The following PTCH1 variants were observed in gnomAD, a reference collection of about 807,000 sequenced individuals.
PTCH1 encodes patched 1, also known as protein patched homolog 1.
Under a neutral mutation model 144.6 loss-of-function variants are expected in PTCH1, and 14 were observed. The observed-to-expected ratio is 0.10, with a 90% CI of 0.06 to 0.15. The LOEUF is 0.15. PTCH1 is among the 10% of genes least tolerant of loss of function. The pLI, the probability that PTCH1 is intolerant of heterozygous loss-of-function variation, is 1.00. For missense variants in PTCH1, 1,623 were observed against 1,948.3 expected (o/e 0.83, Z 3.14); for synonymous variants, 833 against 793.6 (o/e 1.05, Z -0.83).
intron 2 of PTCH1, among the ~76,000 whole-genome samples, chr9:95,492,332 G>A (rs1842470119): frequency 6.6e-6 from 1 of 152,122 alleles, no homozygotes; most frequent in Non-Finnish European, 1.5e-5. Context: ...TTACTGGTAA[G>A]TACGTAGGTG....
intron 2 of PTCH1, among the ~76,000 whole-genome samples, chr9:95,487,010 C>T (rs1026100663): frequency 5.9e-5 from 9 of 152,170 alleles, no homozygotes; most frequent in South Asian, 2.1e-4. Context: ...AGCTTTCCCA[C>T]GAGGAGGAAT....
intron 17 of PTCH1, 45 bp downstream of exon 17, chr9:95,459,555 G>A: frequency 6.2e-7 from 1 of 1,607,860 alleles, no homozygotes; most frequent in Non-Finnish European, 8.5e-7. Context: ...AACCAGGGAA[G>A]GCACCTCTGT....
intron 2 of PTCH1, among the ~76,000 whole-genome samples, chr9:95,498,170 G>A (rs1294397532): frequency 6.6e-6 from 1 of 152,162 alleles, no homozygotes; most frequent in Non-Finnish European, 1.5e-5. Flanking sequence ...TATCTTGGTT[G>A]CTAAATTGGG....
intron 2 of PTCH1, among the ~76,000 whole-genome samples, chr9:95,486,754 T>A (rs558359499): frequency 6.6e-6 from 1 of 152,328 alleles, no homozygotes; most frequent in South Asian, 2.1e-4. Context: ...CCTTTTTACA[T>A]CCTTAGGCCC....
chr9:95,457,877 G>T, intron 18 of PTCH1, 136 bp downstream of exon 18: 2 of 1,231,956 alleles, frequency 1.6e-6, no homozygotes, highest in Non-Finnish European at 1.2e-6. Context: ...ACCACCTCGA[G>T]TAGAATAAAC....
chr9:95,447,719 T>C (rs1248955953), intron 22 of PTCH1, among the ~76,000 whole-genome samples: 1 of 152,220 alleles, frequency 6.6e-6, no homozygotes, highest in African/African-American at 2.4e-5. Flanking sequence ...ATGTGGGCTG[T>C]GGTCAGAGCA....
chr9:95,484,828 C>G (rs907397517), intron 3 of PTCH1, among the ~76,000 whole-genome samples: 1 of 152,150 alleles, frequency 6.6e-6, no homozygotes, highest in Non-Finnish European at 1.5e-5. Context: ...GAAAAAGGAC[C>G]GAGTTTTGAA....
At position 95,485,722 on chromosome 9, in the gene PTCH1, G is replaced by C; in HGVS notation, c.547C>G (p.Leu183Val). The C allele has an allele frequency of 6.2e-7, 1 of 1,614,172 alleles. No individual in the cohort carries two copies. Among genetic ancestry groups the C allele is most frequent in the Non-Finnish European group, 8.5e-7 (1 of 1,180,020 alleles). ...TATACATGGACACGGCTGGCCTGGA[G>C]TGCCGAGTCCAGGTGTTGTAGGAGC... is the stretch of plus-strand genomic sequence containing the variant. Reference protein sequence around the residue: ...EALLQHLDSALQASRVHVYMY... With the variant: ...EALLQHLDSAVQASRVHVYMY... Residue 183 changes from leucine to valine, a missense_variant, in exon 3 of 24, where the codon CTC becomes GTC. Leu to Val is a conservative substitution (Grantham distance 32, BLOSUM62 1). Coordinates refer to ENST00000331920, the MANE Select transcript of PTCH1 (RefSeq NM_000264.5).
chr9:95,485,616 C>G lies in PTCH1; in HGVS notation c.584+69G>C, dbSNP rs1841897244. 62 of 1,583,948 alleles carry G rather than the reference C, an allele frequency of 3.9e-5. 3 individuals are homozygous for G. The South Asian group carries it at 6.4e-4, about 16-fold the overall frequency. On this transcript the variant is annotated intron_variant, in intron 3 of 23. Coordinates refer to ENST00000331920, the MANE Select transcript of PTCH1 (RefSeq NM_000264.5). Reference sequence around the variant, plus strand: ...AACTTCATTTACTAAAATAACGGGGCCTAAACCAGCAGCCTTCTCCCACCG... The same window carrying G: ...AACTTCATTTACTAAAATAACGGGGGCTAAACCAGCAGCCTTCTCCCACCG...
rs537357145 is a variant in PTCH1, at chr9:95,468,623, T to C, written c.2250+128A>G. ...AGCATTGACTTTTGGAGGACTGAAA[T>C]GTATCATACTTAAACGAAATTTTTT... On this transcript the variant is annotated intron_variant, in intron 14 of 23. Coordinates refer to ENST00000331920, the MANE Select transcript of PTCH1 (RefSeq NM_000264.5). 133 of 1,269,234 alleles carry C rather than the reference T, an allele frequency of 1.0e-4. No individual in the cohort carries two copies. The African/African-American group carries it at 1.8e-3, about 17-fold the overall frequency. 78.6% of individuals were successfully genotyped at this position (1,269,234 alleles called of 1,614,324 possible).
At chr9:95,512,195 T>C (rs1008413488), upstream of PTCH1, among the ~76,000 whole-genome samples, 1 of 152,218 alleles carries the variant, frequency 6.6e-6, no homozygotes, top group Non-Finnish European at 1.5e-5. Context: ...TTAGTTTGAC[T>C]TAATTCCTAA....
rs587780692 is a variant in PTCH1 at position 95,508,228 on chromosome 9, G to C, written c.134C>G (p.Pro45Arg). ...RTGGLRRAAA[P>R]DRDYLHRPSY... Reference sequence around the variant, plus strand: ...GGGCCGGTGCAGATAGTCCCGGTCCGGCGCGGCAGCACGGCGCAGCCCCCC... The same window carrying C: ...GGGCCGGTGCAGATAGTCCCGGTCCCGCGCGGCAGCACGGCGCAGCCCCCC... The change falls in exon 1 of 24, where the codon CCG (proline) becomes CGG (arginine). Residue 45 changes from proline to arginine, a missense_variant. Physicochemically the swap from Pro to Arg is moderately radical, Grantham distance 103. Coordinates refer to ENST00000331920, the MANE Select transcript of PTCH1 (RefSeq NM_000264.5). 148 of 1,610,728 alleles carry C rather than the reference G, an allele frequency of 9.2e-5. No homozygotes were observed. Among genetic ancestry groups the C allele is most frequent in the Non-Finnish European group, 1.2e-4 (146 of 1,179,444 alleles).
Position 95,508,332 on chromosome 9 carries a change from G to A in PTCH1, c.30C>T (p.Pro10=), listed in dbSNP as rs1179684017. The A allele has an allele frequency of 7.8e-7, 1 of 1,277,776 alleles. No individual in the cohort carries two copies. The highest frequency in any genetic ancestry group is 9.9e-7 in the Non-Finnish European group (1 of 1,014,406). 79.2% of individuals were successfully genotyped at this position (1,277,776 alleles called of 1,614,324 possible). The change falls in exon 1 of 24, where the codon CCC becomes CCT. Residue 10 remains proline (P), a synonymous_variant. Transcript: ENST00000331920. MASAGNAAE[P]QDRGGGGSGC... ...CGCTGCCGCCGCCGCCGCGGTCCTG[G>A]GGCTCGGCGGCGTTACCAGCCGAGG... is the stretch of plus-strand genomic sequence containing the variant.
At chr9:95,478,314 C>T (rs998854034) in intron 8 of PTCH1, 128 bp from the exon 9 acceptor site, 37 of 1,409,520 alleles carry the variant, frequency 2.6e-5, no homozygotes, top group East Asian at 4.7e-5. Flanking sequence ...AAAAGTTCTA[C>T]GTGATTCCAG....
At chr9:95,481,845 A>C (rs943415095) in intron 5 of PTCH1, 104 bp downstream of exon 5, 3 of 1,089,684 alleles carry the variant, frequency 2.8e-6, no homozygotes, top group Admixed American at 1.9e-5. Flanking sequence ...CAATGTTTTT[A>C]TTTCTTGTTC....
chr9:95,464,349 GCA>G (rs1360153323), intron 15 of PTCH1, among the ~76,000 whole-genome samples: 1 of 152,156 alleles, frequency 6.6e-6, no homozygotes, highest in Non-Finnish European at 1.5e-5. Flanking sequence ...TCCAATGCAT[GCA>G]CACTCTAGAA....
At chr9:95,453,691 A>G (rs1838674187) in intron 19 of PTCH1, 71 bp from the exon 20 acceptor site, 1 of 1,594,550 alleles carries the variant, frequency 6.3e-7, no homozygotes, top group South Asian at 1.1e-5. Flanking sequence ...TCTGTCCTAA[A>G]TGTTACAAGC....
chr9:95,507,459 A>G (rs1006069124), intron 1 of PTCH1: 2 of 983,828 alleles, frequency 2.0e-6, no homozygotes, highest in Non-Finnish European at 2.4e-6. Flanking sequence ...AAACACAATG[A>G]ACCCGGCAGC....
In PTCH1 at chr9:95,476,724, G is replaced by A; in HGVS notation, c.1602+35C>T. ...ACTTAGGAACAGAGGAAGCTGTGATGTCCCCAAAGCTCTCTTCTTTTGTTT... is the reference window on the plus strand; with the variant it reads ...ACTTAGGAACAGAGGAAGCTGTGATATCCCCAAAGCTCTCTTCTTTTGTTT... On this transcript the variant is annotated intron_variant, in intron 11 of 23. Transcript: ENST00000331920. This position sits in a 1 kb window ranked among gnomAD's most constrained non-coding sequence, Gnocchi z 4.6. 1 of 1,577,642 alleles carries A rather than the reference G, an allele frequency of 6.3e-7. No homozygotes were observed. Among genetic ancestry groups the A allele is most frequent in the Non-Finnish European group, 8.7e-7 (1 of 1,150,946 alleles).
Sources: gnomAD v4.1 joint callset for allele counts (sites outside exome capture counted in the v4.1 genomes callset) on GRCh38, gnomAD v4.1.1 for gene constraint, Gnocchi (gnomAD v3.1) non-coding constraint, MANE v1.5 for transcripts, NCBI Gene and HGNC (gene_info 2026-07-23, HGNC 2026-07-21) for gene names.